Variants in PREX1 observed in about 807,000 individuals in gnomAD.
PREX1 encodes the protein phosphatidylinositol 3,4,5-trisphosphate-dependent Rac exchanger 1 protein.
PREX1 carries 41 observed loss-of-function variants against 198.3 expected under a neutral mutation model. The observed-to-expected ratio is 0.21, with a 90% confidence interval of 0.16 to 0.27. The LOEUF (loss-of-function observed/expected upper bound fraction) is 0.27. Ranked by LOEUF, PREX1 falls within the 10% of genes least tolerant of loss-of-function variation. PREX1 has a pLI of 1.00. For synonymous variants in PREX1, 843 were observed against 887.2 expected (o/e 0.95, Z 0.89); for missense variants, 1,620 against 2,200.7 (o/e 0.74, Z 5.28).
At chr20:48,875,847 A>C in the PREX1 span, among the ~76,000 whole-genome samples, 1 of 152,294 alleles carries the variant, frequency 6.6e-6, no homozygotes, top group Admixed American at 6.5e-5. Context: ...AGGCACAGCA[A>C]AGGCCAAGGC....
chr20:48,791,431 C>A (rs1403086568), intron 1 of PREX1, among the ~76,000 whole-genome samples: 1 of 152,184 alleles, frequency 6.6e-6, no homozygotes, highest in Non-Finnish European at 1.5e-5. Context: ...GAGGTCAAGT[C>A]ATTTGCCCCA....
chr20:48,692,658 G>C lies in PREX1; in HGVS notation c.1036+14C>G, dbSNP rs753628261. 1.0e-5 allele frequency: 16 copies of C among 1,603,994 alleles called. No homozygotes were observed. Among genetic ancestry groups the C allele is most frequent in the Middle Eastern group, 1.7e-4 (1 of 6,046 alleles). On this transcript the variant is annotated intron_variant, in intron 8 of 39. Coordinates refer to ENST00000371941, the MANE Select transcript of PREX1 (RefSeq NM_020820.4). Reference sequence around the variant, plus strand: ...GCTCAGGCAGGGCTCAGGCAAGGCTGGGGGAGGGGCTACCTGTCCCATCTT... The same window carrying C: ...GCTCAGGCAGGGCTCAGGCAAGGCTCGGGGAGGGGCTACCTGTCCCATCTT...
the PREX1 span, among the ~76,000 whole-genome samples, chr20:48,886,143 T>C: frequency 2.6e-5 from 4 of 152,146 alleles, no homozygotes; most frequent in African/African-American, 7.2e-5. Context: ...ATGTCAGTAG[T>C]AGGGGAGGTT....
intron 1 of PREX1, among the ~76,000 whole-genome samples, chr20:48,787,256 C>T (rs1448281973): frequency 6.6e-6 from 1 of 152,126 alleles, no homozygotes; most frequent in Non-Finnish European, 1.5e-5. Flanking sequence ...GTGTCTGCTT[C>T]CCCCGATCCC....
intron 29 of PREX1, among the ~76,000 whole-genome samples, chr20:48,640,366 A>G (rs1205633471): frequency 1.3e-5 from 2 of 152,252 alleles, no homozygotes; most frequent in Non-Finnish European, 2.9e-5. Context: ...GGGCAGTGAC[A>G]GCGCTGGGAC....
chr20:48,665,203 C>T (rs1568812625), intron 15 of PREX1, among the ~76,000 whole-genome samples: 1 of 151,424 alleles, frequency 6.6e-6, no homozygotes, highest in Admixed American at 6.6e-5. Context: ...GAGTTCTAAT[C>T]CTGCCCCAGA....
intron 3 of PREX1, among the ~76,000 whole-genome samples, chr20:48,742,569 C>A (rs1025039551): frequency 3.9e-5 from 6 of 152,138 alleles, no homozygotes; most frequent in African/African-American, 1.4e-4. Context: ...CAACTTCCCA[C>A]AAAGGCCTAA....
At chr20:48,808,016 G>A (rs1237476307) in intron 1 of PREX1, among the ~76,000 whole-genome samples, 1 of 152,132 alleles carries the variant, frequency 6.6e-6, no homozygotes, top group African/African-American at 2.4e-5. Flanking sequence ...TTTCTGAAAT[G>A]GATTTCACAC....
At position 48,720,367 on chromosome 20, in the gene PREX1, G is replaced by A. The variant is rs572080715; in HGVS notation, c.621+5923C>T. Among the ~76,000 whole-genome samples, 326 of 152,248 alleles carry A rather than the reference G, an allele frequency of 2.1e-3. 2 individuals are homozygous for A. Among genetic ancestry groups the A allele is most frequent in the African/African-American group, 7.5e-3 (312 of 41,526 alleles). ...AAGAATGTCCGTTCCAAGGGGACAG[G>A]GGTTCAAGCTGGTTTTGTTCACTTT... On this transcript the variant is annotated intron_variant, in intron 5 of 39. Coordinates refer to ENST00000371941, the MANE Select transcript of PREX1 (RefSeq NM_020820.4).
chr20:48,641,596 T>C (rs529865972), intron 29 of PREX1, among the ~76,000 whole-genome samples: 2 of 151,302 alleles, frequency 1.3e-5, no homozygotes, highest in South Asian at 4.2e-4. Context: ...AAACCAGCCA[T>C]GGCTACAAGG....
At chr20:48,698,693 G>A (rs1025763327) in intron 7 of PREX1, among the ~76,000 whole-genome samples, 1 of 152,198 alleles carries the variant, frequency 6.6e-6, no homozygotes, top group Non-Finnish European at 1.5e-5. Flanking sequence ...GTCAAGCCCA[G>A]AACAGGGGGG....
intron 1 of PREX1, among the ~76,000 whole-genome samples, chr20:48,776,826 C>T (rs1169598591): frequency 3.3e-5 from 5 of 152,282 alleles, no homozygotes; most frequent in South Asian, 4.1e-4. Context: ...CTCTGTGCTA[C>T]GTATTTCTCC....
intron 3 of PREX1, among the ~76,000 whole-genome samples, chr20:48,737,215 CAAAAAAAAAAA>C (rs140010281): frequency 8.2e-4 from 29 of 35,298 alleles, no homozygotes; most frequent in Non-Finnish European, 1.0e-3. Context: ...GTTTTGACAG[CAAAAAAAAAAA>C]AAAAAAAAAA....
Position 48,679,751 on chromosome 20 carries a change from G to A in PREX1, c.1439C>T (p.Ser480Phe), listed in dbSNP as rs751554710. ...CTCATTCTTGAACTGGTGCTTGTCG[G>A]AAACTGGAGAGACAGGAGGACCTGT... ...LLENGIIHHV[S>F]DKHQFKNEQV... is the part of the protein sequence containing the mutation. Residue 480 changes from serine (S) to phenylalanine (F), a missense_variant, in exon 12 of 40, where the codon TCC (serine) becomes TTC (phenylalanine). Transcript: ENST00000371941. 3 of 1,609,426 alleles carry A rather than the reference G, an allele frequency of 1.9e-6. No homozygotes were observed. The highest frequency in any genetic ancestry group is 2.2e-5 in the South Asian group (2 of 90,984).
rs1402340998 is a variant in PREX1 at position 48,646,003 on chromosome 20, C to A, written c.3360G>T (p.Leu1120Phe). Residue 1120 changes from leucine (L) to phenylalanine (F), a missense_variant, in exon 26 of 40, where the codon TTG becomes TTT. By Grantham distance (22) the Leu-to-Phe change is conservative. This residue lies in a region of PREX1 where 514 missense variants were observed against 611.6 expected (regional missense o/e 0.84). Coordinates refer to ENST00000371941, the MANE Select transcript of PREX1 (RefSeq NM_020820.4). ...PTSGGSCDAS[L>F]AEEASSLPLV... Reference sequence around the variant, plus strand: ...GGGGCAGGGAGGAGGCCTCCTCAGCCAAGGATGCGTCGCAGGACCCACCCG... The same window carrying A: ...GGGGCAGGGAGGAGGCCTCCTCAGCAAAGGATGCGTCGCAGGACCCACCCG... The A allele has an allele frequency of 6.2e-7, 1 of 1,614,062 alleles. No homozygotes were observed. The highest frequency in any genetic ancestry group is 8.5e-7 in the Non-Finnish European group (1 of 1,180,030).
chr20:48,875,861 G>A, the PREX1 span, among the ~76,000 whole-genome samples: 1 of 152,288 alleles, frequency 6.6e-6, no homozygotes, highest in Middle Eastern at 3.4e-3. Context: ...CCAAGGCGGG[G>A]TGTTTGGAAC....
chr20:48,782,552 G>C (rs2090294674), intron 1 of PREX1, among the ~76,000 whole-genome samples: 1 of 152,172 alleles, frequency 6.6e-6, no homozygotes, highest in Non-Finnish European at 1.5e-5. Flanking sequence ...AATATGTCCT[G>C]TTAAAGTGGT....
At chr20:48,817,744 T>G (rs141555354) in intron 1 of PREX1, among the ~76,000 whole-genome samples, 72 of 152,280 alleles carry the variant, frequency 4.7e-4, no homozygotes, top group African/African-American at 1.5e-3. Flanking sequence ...CAAAAATGCT[T>G]AGCAATTATA....
At chr20:48,862,924 C>T in the PREX1 span, among the ~76,000 whole-genome samples, 5 of 150,802 alleles carry the variant, frequency 3.3e-5, no homozygotes, top group African/African-American at 4.9e-5. Flanking sequence ...TAGGCTCAAA[C>T]GATCCTCCCA....
Sources: gnomAD v4.1 joint callset for allele counts (sites outside exome capture counted in the v4.1 genomes callset) on GRCh38, gnomAD v4.1.1 for gene constraint, gnomAD v4.1.1 regional missense constraint, MANE v1.5 for transcripts, NCBI Gene and HGNC (gene_info 2026-07-23, HGNC 2026-07-21) for gene names.